SEM1: variants seen among roughly 807,000 people sequenced by gnomAD.
The protein encoded by SEM1 is SEM1 26S proteasome subunit.
In SEM1, 3 loss-of-function variants were observed where a neutral mutation model predicts 12.7. That is an observed-to-expected ratio of 0.24 (90% CI 0.11 to 0.61). The LOEUF (loss-of-function observed/expected upper bound fraction) is 0.61, where lower values mean the gene tolerates loss of function less well. Ranked by LOEUF, SEM1 falls within the 20% of genes least tolerant of loss-of-function variation. SEM1 has a pLI of 0.88. For synonymous variants in SEM1, 30 were observed against 27.8 expected (o/e 1.08, Z -0.25); for missense variants, 59 against 81.3 (o/e 0.73, Z 1.06).
At chr7:96,512,591 G>A (rs1803965759) in intron 2 of SEM1, among the ~76,000 whole-genome samples, 1 of 152,104 alleles carries the variant, frequency 6.6e-6, no homozygotes, top group Admixed American at 6.6e-5. Context: ...GTGAGAAAAG[G>A]GAAACGGGCT....
chr7:96,483,749 T>G lies in SEM1; in HGVS notation c.*110A>C, dbSNP rs568406613. ...CACAGAAAGCTAGGAAGTATAGTTC[T>G]ACCATGTGCCTTGAAGACAGAGAGC... On this transcript the variant is annotated 3_prime_UTR_variant, in exon 4 of 4. Coordinates refer to the SEM1 transcript ENST00000356686. 4.0e-5 allele frequency: 56 copies of G among 1,385,892 alleles called. No individual in the cohort carries two copies. In the African/African-American group the frequency reaches 7.3e-4, roughly 18 times the overall value. 85.8% of individuals were successfully genotyped at this position (1,385,892 alleles called of 1,614,324 possible).
chr7:96,661,006 C>T (rs1460905658), intron 2 of SEM1, among the ~76,000 whole-genome samples: 1 of 152,104 alleles, frequency 6.6e-6, no homozygotes, highest in Non-Finnish European at 1.5e-5. Context: ...TAAACATTTA[C>T]GTGATTCTTA....
chr7:96,707,236 C>A (rs916705034), intron 1 of SEM1, among the ~76,000 whole-genome samples: 1 of 152,164 alleles, frequency 6.6e-6, no homozygotes, highest in South Asian at 2.1e-4. Flanking sequence ...GACTCTAAAC[C>A]TTGACTAGAC....
At chr7:96,689,051 T>C in intron 2 of SEM1, 85 bp from the exon 3 acceptor site, 1 of 821,004 alleles carries the variant, frequency 1.2e-6, no homozygotes, top group Non-Finnish European at 2.0e-6. Flanking sequence ...AACAAATAAA[T>C]GAGCTATGCC....
chr7:96,587,872 C>T (rs1283574598), intron 2 of SEM1, among the ~76,000 whole-genome samples: 2 of 152,162 alleles, frequency 1.3e-5, no homozygotes, highest in Non-Finnish European at 2.9e-5. Context: ...TTCCCACAGA[C>T]ACTGAAGAGA....
intron 2 of SEM1, among the ~76,000 whole-genome samples, chr7:96,582,300 C>G (rs1298147608): frequency 6.7e-6 from 1 of 148,484 alleles, no homozygotes; most frequent in Non-Finnish European, 1.5e-5. Context: ...ATTGAACCAG[C>G]CTTGCATCCC....
At chr7:96,527,460 C>T (rs995595082) in intron 2 of SEM1, among the ~76,000 whole-genome samples, 6 of 152,090 alleles carry the variant, frequency 3.9e-5, no homozygotes, top group Non-Finnish European at 7.4e-5. Flanking sequence ...GCTTGGGGAA[C>T]AGGGACATGG....
chr7:96,512,228 G>C (rs563520711), intron 2 of SEM1, among the ~76,000 whole-genome samples: 1 of 152,046 alleles, frequency 6.6e-6, no homozygotes, highest in East Asian at 1.9e-4. Context: ...ATAGAGTAGG[G>C]AGAGCCTGAC....
intron 1 of SEM1, among the ~76,000 whole-genome samples, chr7:96,493,973 T>G (rs1392528567): frequency 6.6e-6 from 1 of 152,166 alleles, no homozygotes; most frequent in Admixed American, 6.5e-5. Flanking sequence ...TGTCCTGTAC[T>G]TTTTGTGAGA....
At chr7:96,501,641 T>G (rs1330277553) in intron 3 of SEM1, among the ~76,000 whole-genome samples, 4 of 152,186 alleles carry the variant, frequency 2.6e-5, no homozygotes, top group Non-Finnish European at 5.9e-5. Flanking sequence ...GGATGTTTAG[T>G]AAGTACATAA....
chr7:96,585,295 A>T lies in SEM1; in HGVS notation c.171-78597T>A, dbSNP rs577979819. ...TTAGGCTGCTCAGGGGTCAGGGGTC[A>T]GGGACCCATTGAGGAGGCAGTCTGC... On this transcript the variant is annotated intron_variant and NMD_transcript_variant, in intron 2 of 3. Transcript: ENST00000466986. Among the ~76,000 whole-genome samples the T allele has an allele frequency of 8.9e-4, 136 of 152,308 alleles. 3 individuals carry two copies. The East Asian group carries it at 0.026, about 29-fold the overall frequency.
At chr7:96,535,959 C>T (rs1011491510) in intron 2 of SEM1, among the ~76,000 whole-genome samples, 1 of 151,804 alleles carries the variant, frequency 6.6e-6, no homozygotes, top group Non-Finnish European at 1.5e-5. Flanking sequence ...AATTTATATT[C>T]ATTTGGGTAC....
intron 2 of SEM1, among the ~76,000 whole-genome samples, chr7:96,648,364 G>A (rs1808869154): frequency 6.6e-6 from 1 of 152,100 alleles, no homozygotes; most frequent in South Asian, 2.1e-4. Flanking sequence ...AGTGTAAGTG[G>A]ACACAGAAAG....
At chr7:96,620,812 G>A (rs1032801271), downstream of SEM1, among the ~76,000 whole-genome samples, 1 of 151,954 alleles carries the variant, frequency 6.6e-6, no homozygotes, top group African/African-American at 2.4e-5. Flanking sequence ...TGTCTGTTGT[G>A]CTCACTCTAT....
intron 2 of SEM1, 37 bp from the exon 3 acceptor site, chr7:96,689,003 T>C (rs755524418): frequency 1.2e-5 from 15 of 1,287,680 alleles, no homozygotes; most frequent in Non-Finnish European, 1.6e-5. Flanking sequence ...TAGGTATTCT[T>C]TATAATAAAC....
chr7:96,539,394 CA>C (rs1387495493), intron 2 of SEM1, among the ~76,000 whole-genome samples: 1 of 151,540 alleles, frequency 6.6e-6, no homozygotes, highest in Non-Finnish European at 1.5e-5. Context: ...CCAGAAATAA[CA>C]AGTTGAAGAA....
intron 2 of SEM1, among the ~76,000 whole-genome samples, chr7:96,659,675 A>C (rs1053684998): frequency 3.9e-5 from 6 of 152,184 alleles, no homozygotes; most frequent in Admixed American, 1.3e-4. Context: ...AAGCATATTA[A>C]GGGTCTGTGT....
exon 2 of SEM1, chr7:96,486,266 T>C: frequency 6.5e-7 from 1 of 1,537,186 alleles, no homozygotes; most frequent in Non-Finnish European, 8.7e-7. Flanking sequence ...TATCTGTTGC[T>C]TTGCAAAGGC....
chr7:96,486,485 T>A, intron 1 of SEM1: 14 of 1,246,072 alleles, frequency 1.1e-5, no homozygotes, highest in Non-Finnish European at 1.6e-5. Flanking sequence ...GGCGGGCACC[T>A]GTTCCACCTG....
Sources: allele counts gnomAD v4.1 joint callset (sites outside exome capture counted in the v4.1 genomes callset), GRCh38; gene constraint gnomAD v4.1.1; transcripts MANE v1.5; gene names NCBI Gene and HGNC (gene_info 2026-07-23, HGNC 2026-07-21).